The following NCKAP5 variants were observed in gnomAD, a reference collection of about 807,000 sequenced individuals.
The protein encoded by NCKAP5 is nck-associated protein 5.
NCKAP5 carries 92 observed loss-of-function variants against 167.0 expected under a neutral mutation model. The ratio of observed to expected loss-of-function variants is 0.55; its 90% CI spans 0.47 to 0.66. NCKAP5 has a LOEUF of 0.66. Ranked by LOEUF, NCKAP5 falls within the 30% of genes least tolerant of loss-of-function variation. The pLI, the probability that NCKAP5 is intolerant of heterozygous loss-of-function variation, is 0.00. For synonymous variants in NCKAP5, 891 were observed against 877.4 expected (o/e 1.02, Z -0.27); for missense variants, 2,378 against 2,315.0 (o/e 1.03, Z -0.56).
intron 11 of NCKAP5, among the ~76,000 whole-genome samples, chr2:132,831,021 G>C (rs912444394): frequency 1.7e-4 from 26 of 151,910 alleles, no homozygotes; most frequent in African/African-American, 6.0e-4. Flanking sequence ...CACATATTTA[G>C]GTTTTAAAAA....
chr2:133,425,103 A>T (rs1226587830), intron 3 of NCKAP5, among the ~76,000 whole-genome samples: 1 of 152,228 alleles, frequency 6.6e-6, no homozygotes, highest in Non-Finnish European at 1.5e-5. Context: ...TGGAGCAGTC[A>T]GTCTGCGGGA....
intron 4 of NCKAP5, among the ~76,000 whole-genome samples, chr2:133,258,920 G>C (rs1201210087): frequency 6.6e-6 from 1 of 152,112 alleles, no homozygotes; most frequent in East Asian, 1.9e-4. Flanking sequence ...TTGACTAACA[G>C]TTCTACAATA....
At chr2:132,946,663 G>A (rs766422003) in intron 8 of NCKAP5, among the ~76,000 whole-genome samples, 6 of 152,178 alleles carry the variant, frequency 3.9e-5, no homozygotes, top group Non-Finnish European at 5.9e-5. Context: ...TTGGGAAGCC[G>A]AGGGGGGTGG....
chr2:133,295,647 CAG>C (rs750293547), intron 4 of NCKAP5, among the ~76,000 whole-genome samples: 3 of 152,120 alleles, frequency 2.0e-5, no homozygotes, highest in Non-Finnish European at 4.4e-5. Flanking sequence ...GAAATATGCC[CAG>C]AGACATTTTT....
chr2:133,634,305 G>GA, the NCKAP5 span, among the ~76,000 whole-genome samples: 57 of 152,202 alleles, frequency 3.7e-4, no homozygotes, highest in Middle Eastern at 3.4e-3. Flanking sequence ...CGTAACAAAG[G>GA]GCTGTTTAAC....
intron 3 of NCKAP5, among the ~76,000 whole-genome samples, chr2:133,512,452 G>A (rs192778030): frequency 6.6e-6 from 1 of 152,182 alleles, no homozygotes; most frequent in Admixed American, 6.5e-5. Context: ...CCTAGTGCCT[G>A]TCTTTGTAAT....
At chr2:132,737,818 G>C (rs1310077170) in intron 16 of NCKAP5, among the ~76,000 whole-genome samples, 1 of 152,196 alleles carries the variant, frequency 6.6e-6, no homozygotes, top group Non-Finnish European at 1.5e-5. Flanking sequence ...TAGACTGTAA[G>C]CATCGTGCAG....
In NCKAP5 at chr2:133,065,264, A is replaced by C. The variant is rs188528926; in HGVS notation, c.341+64714T>G. 1.1e-3 allele frequency among the ~76,000 whole-genome samples: 166 copies of C among 152,358 alleles called. 1 individual carries two copies. The highest frequency in any genetic ancestry group is 3.9e-3 in the African/African-American group (161 of 41,592). ...ATGATTCTAAAAATGGAAAGCACACACACAAAAATTAAAAGCTCAAATGGT... is the reference window on the plus strand; with the variant it reads ...ATGATTCTAAAAATGGAAAGCACACCCACAAAAATTAAAAGCTCAAATGGT... On this transcript the variant is annotated intron_variant, in intron 6 of 19. Transcript: ENST00000409261.
intron 6 of NCKAP5, among the ~76,000 whole-genome samples, chr2:132,999,434 T>A (rs2077707491): frequency 6.6e-6 from 1 of 152,216 alleles, no homozygotes; most frequent in Non-Finnish European, 1.5e-5. Flanking sequence ...CCTTTTAAAA[T>A]ACGGACCACT....
At chr2:133,602,430 T>A in the NCKAP5 span, among the ~76,000 whole-genome samples, 1 of 151,992 alleles carries the variant, frequency 6.6e-6, no homozygotes, top group Non-Finnish European at 1.5e-5. Context: ...GTGCAGATGG[T>A]GAGAGGCTGA....
At chr2:133,654,664 GC>G in the NCKAP5 span, among the ~76,000 whole-genome samples, 2 of 152,152 alleles carry the variant, frequency 1.3e-5, no homozygotes, top group Non-Finnish European at 2.9e-5. Context: ...TATTTGCAAA[GC>G]CATTCTAGCA....
chr2:133,673,395 A>G, the NCKAP5 span, among the ~76,000 whole-genome samples: 1 of 152,282 alleles, frequency 6.6e-6, no homozygotes, highest in African/African-American at 2.4e-5. Flanking sequence ...ACAGGCAGGA[A>G]AGCTTTCTGC....
intron 8 of NCKAP5, among the ~76,000 whole-genome samples, chr2:132,910,221 C>T (rs917508580): frequency 1.3e-5 from 2 of 152,080 alleles, no homozygotes; most frequent in Admixed American, 6.5e-5. Flanking sequence ...ATGGGGTACC[C>T]ATACCCTCAA....
chr2:132,837,369 A>C (rs1193115760), intron 11 of NCKAP5, among the ~76,000 whole-genome samples: 1 of 151,994 alleles, frequency 6.6e-6, no homozygotes, highest in African/African-American at 2.4e-5. Flanking sequence ...TATTATTCTT[A>C]TGGCTACACT....
intron 3 of NCKAP5, among the ~76,000 whole-genome samples, chr2:133,308,079 A>ATTTTTTT (rs60111877): frequency 1.1e-5 from 1 of 89,394 alleles, no homozygotes; most frequent in Admixed American, 1.2e-4. Flanking sequence ...TTATTGTTCT[A>ATTTTTTT]TTTTTTTTTT....
intron 3 of NCKAP5, among the ~76,000 whole-genome samples, chr2:133,314,136 C>A (rs1296663987): frequency 6.6e-6 from 1 of 152,170 alleles, no homozygotes; most frequent in Non-Finnish European, 1.5e-5. Flanking sequence ...CATTACTCCC[C>A]AAAGCTATCC....
intron 3 of NCKAP5, among the ~76,000 whole-genome samples, chr2:133,485,147 C>T (rs562909542): frequency 6.6e-5 from 10 of 152,100 alleles, no homozygotes; most frequent in African/African-American, 1.9e-4. Context: ...AAATATGTCC[C>T]GTGACCACAA....
chr2:133,100,006 G>A (rs2081457978), intron 6 of NCKAP5, among the ~76,000 whole-genome samples: 1 of 152,146 alleles, frequency 6.6e-6, no homozygotes, highest in Non-Finnish European at 1.5e-5. Context: ...TGTGGACGCT[G>A]GTATTGAATA....
chr2:132,887,365 T>TTCCATCCATCCA (rs142512555), intron 8 of NCKAP5, among the ~76,000 whole-genome samples: 22,048 of 131,574 alleles, frequency 0.17, 2,356 homozygotes, highest in Non-Finnish European at 0.23. Context: ...CCATCCATCT[T>TTCCATCCATCCA]TCCATCCATC....
Sources: allele counts gnomAD v4.1 joint callset (sites outside exome capture counted in the v4.1 genomes callset), GRCh38; gene constraint gnomAD v4.1.1; transcripts MANE v1.5; gene names NCBI Gene and HGNC (gene_info 2026-07-23, HGNC 2026-07-21).